Variants in POT1 observed in about 807,000 individuals in gnomAD.
POT1 encodes protection of telomeres protein 1.
In POT1, 47 loss-of-function variants were observed where a neutral mutation model predicts 78.5. The observed-to-expected ratio is 0.60, with a 90% CI of 0.47 to 0.76. The LOEUF is 0.76. Among genes scored for constraint, POT1 ranks in the 30% least tolerant of loss-of-function variants. The pLI, the probability that POT1 is intolerant of heterozygous loss-of-function variation, is 0.00. For missense variants in POT1, 646 were observed against 749.9 expected, an observed-to-expected ratio of 0.86 and a Z score of 1.62; for synonymous variants, 259 against 260.7, an observed-to-expected ratio of 0.99 and a Z score of 0.06.
chr7:124,833,792 A>C (rs568544248), intron 15 of POT1, among the ~76,000 whole-genome samples: 1 of 152,236 alleles, frequency 6.6e-6, no homozygotes, highest in Non-Finnish European at 1.5e-5. Context: ...CTCTCACTAT[A>C]TATGCTTATC....
At chr7:124,893,608 T>C (rs1488582109) in intron 5 of POT1, among the ~76,000 whole-genome samples, 5 of 151,526 alleles carry the variant, frequency 3.3e-5, no homozygotes, top group African/African-American at 1.2e-4. Context: ...GATGGCTGAC[T>C]GGAATTTGAG....
Position 124,886,709 on chromosome 7 carries a change from C to T in POT1, c.124+5557G>A, listed in dbSNP as rs189018908. Among the ~76,000 whole-genome samples the T allele has an allele frequency of 7.2e-5, 11 of 152,152 alleles. No homozygotes were observed. The East Asian group carries it at 9.7e-4, about 13-fold the overall frequency. On this transcript the variant is annotated intron_variant, in intron 6 of 18. Coordinates refer to ENST00000357628, the MANE Select transcript of POT1 (RefSeq NM_015450.3). ...ACGGGACTGCAGTGATTGAAGTAAA[C>T]ATATCTGATAGAGATATAAGACACA...
chr7:124,835,475 C>G (rs1426612799), intron 14 of POT1, 61 bp from the exon 15 acceptor site: 2 of 1,535,610 alleles, frequency 1.3e-6, no homozygotes, highest in Non-Finnish European at 1.8e-6. Flanking sequence ...AAGTACAGTC[C>G]TATTAAATAA....
At chr7:124,844,519 G>A (rs571475248) in intron 12 of POT1, among the ~76,000 whole-genome samples, 175 of 149,904 alleles carry the variant, frequency 1.2e-3, no homozygotes, top group African/African-American at 3.9e-3. Context: ...GGTAGATCAC[G>A]AGGTCAAGAG....
chr7:124,925,550 CA>C (rs1324333801), intron 2 of POT1, among the ~76,000 whole-genome samples: 2 of 151,972 alleles, frequency 1.3e-5, no homozygotes, highest in African/African-American at 4.8e-5. Flanking sequence ...GCTACAGATT[CA>C]ATGCAATCCT....
At chr7:124,912,132 A>G (rs935584028) in intron 3 of POT1, among the ~76,000 whole-genome samples, 4 of 152,128 alleles carry the variant, frequency 2.6e-5, no homozygotes, top group Non-Finnish European at 4.4e-5. Flanking sequence ...AATGACAATA[A>G]TAATAGTTGC....
At chr7:124,884,365 A>G (rs1328321410) in intron 6 of POT1, among the ~76,000 whole-genome samples, 1 of 152,182 alleles carries the variant, frequency 6.6e-6, no homozygotes, top group Non-Finnish European at 1.5e-5. Context: ...TATACTGCTC[A>G]GTAAGTAGCT....
chr7:124,865,870 G>GTT (rs1795709939), intron 7 of POT1, among the ~76,000 whole-genome samples: 1 of 151,878 alleles, frequency 6.6e-6, no homozygotes, highest in South Asian at 2.1e-4. Flanking sequence ...TAAAGTTTTT[G>GTT]TTTAATAAAG....
chr7:124,837,341 T>C (rs1169104666), intron 14 of POT1: 1 of 152,994 alleles, frequency 6.5e-6, no homozygotes, highest in African/African-American at 2.4e-5. Context: ...TAGAGTTCCA[T>C]ACAAATTGGA....
chr7:124,848,995 A>C (rs1212682029), intron 11 of POT1, among the ~76,000 whole-genome samples: 1 of 152,178 alleles, frequency 6.6e-6, no homozygotes, highest in Admixed American at 6.5e-5. Flanking sequence ...AGAACTTAAG[A>C]CTTTAAAAAT....
intron 8 of POT1, among the ~76,000 whole-genome samples, chr7:124,860,386 G>T (rs1450355985): frequency 6.6e-6 from 1 of 152,054 alleles, no homozygotes; most frequent in Non-Finnish European, 1.5e-5. Flanking sequence ...TACATAAATA[G>T]TGTACACAAT....
chr7:124,927,569 CCTT>C (rs2116729620), intron 2 of POT1, among the ~76,000 whole-genome samples: 1 of 152,268 alleles, frequency 6.6e-6, no homozygotes, highest in East Asian at 1.9e-4. Context: ...GTTTCTTCCT[CCTT>C]CTCTAGACCA....
chr7:124,914,139 A>C (rs969036642), intron 3 of POT1, among the ~76,000 whole-genome samples: 6 of 150,798 alleles, frequency 4.0e-5, no homozygotes, highest in Non-Finnish European at 8.9e-5. Flanking sequence ...TGTCTCAGAA[A>C]AAAAAAAAAA....
intron 5 of POT1, among the ~76,000 whole-genome samples, chr7:124,896,183 C>G (rs183823824): frequency 9.2e-5 from 14 of 151,684 alleles, no homozygotes; most frequent in African/African-American, 3.1e-4. Context: ...AATGTAAAAA[C>G]AAGCATCTTT....
intron 8 of POT1, among the ~76,000 whole-genome samples, chr7:124,859,531 T>C (rs1302368785): frequency 2.0e-5 from 3 of 152,094 alleles, no homozygotes; most frequent in Admixed American, 2.0e-4. Flanking sequence ...TTCAGTCTCA[T>C]TCTTAAATTA....
chr7:124,859,476 T>A (rs1795531796), intron 8 of POT1, among the ~76,000 whole-genome samples: 1 of 152,098 alleles, frequency 6.6e-6, no homozygotes. Context: ...CTCTAAAAAT[T>A]ATAATAGTAA....
At position 124,841,159 on chromosome 7, in the gene POT1, C is replaced by T. The variant is rs757373061; in HGVS notation, c.1183G>A (p.Gly395Ser). ...CHLLQEVPHE[G>S]DLDIIFQDGA... ...TCCTGAAAAATTATATCCAAATCGC[C>T]CTCATGTGGAACTTCTTGCCTAAAA... Residue 395 changes from glycine to serine, a missense_variant, in exon 14 of 19, where the codon GGC becomes AGC. By Grantham distance (56) the Gly-to-Ser change is moderately conservative (BLOSUM62 0). Around this residue, in one of 2 missense-constraint regions of POT1, gnomAD observed 394 missense variants for 408.4 expected, o/e 0.96. Coordinates refer to ENST00000357628, the MANE Select transcript of POT1 (RefSeq NM_015450.3). 14 of 1,611,702 alleles carry T rather than the reference C, an allele frequency of 8.7e-6. No homozygotes were observed. Among genetic ancestry groups the T allele is most frequent in the East Asian group, 4.5e-5 (2 of 44,712 alleles).
chr7:124,905,790 GA>G (rs1272466252), intron 3 of POT1, among the ~76,000 whole-genome samples: 1 of 152,020 alleles, frequency 6.6e-6, no homozygotes, highest in Admixed American at 6.6e-5. Context: ...AAATTTACAA[GA>G]AAAAAATCAA....
chr7:124,828,599 C>T (rs1020835500), intron 16 of POT1, among the ~76,000 whole-genome samples: 16 of 151,872 alleles, frequency 1.1e-4, no homozygotes, highest in African/African-American at 2.7e-4. Context: ...TGAACTAAAA[C>T]TAAGAAAGAT....
Sources: gnomAD v4.1 joint callset for allele counts (sites outside exome capture counted in the v4.1 genomes callset) on GRCh38, gnomAD v4.1.1 for gene constraint, gnomAD v4.1.1 regional missense constraint, MANE v1.5 for transcripts, NCBI Gene and HGNC (gene_info 2026-07-23, HGNC 2026-07-21) for gene names.